The following C10orf143 variants were observed in gnomAD, a reference collection of about 807,000 sequenced individuals.
The protein encoded by C10orf143 is chromosome 10 open reading frame 143.
downstream of C10orf143, among the ~76,000 whole-genome samples, chr10:130,058,996 G>GC (rs568880858): frequency 1.4e-3 from 212 of 152,166 alleles, 1 homozygote; most frequent in Non-Finnish European, 2.1e-3. Flanking sequence ...GAACAGAGAA[G>GC]CAAGTAAAGA....
intron 3 of C10orf143, among the ~76,000 whole-genome samples, chr10:130,053,275 G>T (rs936299090): frequency 2.6e-5 from 4 of 152,120 alleles, no homozygotes; most frequent in Admixed American, 2.0e-4. Context: ...TGGCCAGGAT[G>T]GTCTCGATCT....
At chr10:130,057,056 ATTT>A (rs11435950) in intron 3 of C10orf143, among the ~76,000 whole-genome samples, 4 of 133,574 alleles carry the variant, frequency 3.0e-5, no homozygotes, top group Non-Finnish European at 4.8e-5. Flanking sequence ...AGGCCCAGCT[ATTT>A]TTTTTTTTTT....
rs2134733576 is a variant in C10orf143, at chr10:130,052,429, C to T, written c.298-16459G>A. Among the ~76,000 whole-genome samples the T allele has an allele frequency of 1.3e-5, 2 of 151,698 alleles. 1 individual carries two copies. The highest frequency in any genetic ancestry group is 4.1e-4 in the South Asian group (2 of 4,820). ...AGCCATGGGAGCCGGGAGCACCAAGCACAGTCCCCCACACCCAGAAGCATC... is the reference window on the plus strand; with the variant it reads ...AGCCATGGGAGCCGGGAGCACCAAGTACAGTCCCCCACACCCAGAAGCATC... On this transcript the variant is annotated intron_variant and NMD_transcript_variant, in intron 3 of 5. Transcript: ENST00000643056.
rs1590009052 is a variant in C10orf143 at position 130,055,619 on chromosome 10, T to C, written c.298-19649A>G. Among the ~76,000 whole-genome samples the C allele has an allele frequency of 1.3e-5, 2 of 152,276 alleles. 1 individual carries two copies. On this transcript the variant is annotated intron_variant and NMD_transcript_variant, in intron 3 of 5. Transcript: ENST00000643056. ...TGAAAAAATTAAGAATTATGAATCATCACTGAATTGGCTTTCCTGAAATCT... is the reference window on the plus strand; with the variant it reads ...TGAAAAAATTAAGAATTATGAATCACCACTGAATTGGCTTTCCTGAAATCT...
rs967175527 is a variant in C10orf143, at chr10:130,079,803, C to G, written c.168G>C (p.Glu56Asp). ...CTGGGAGGCAGCCTCTTGATGGAAGCTCCCGGTCCTCTGGGCCCCAGGACG... is the reference window on the plus strand; with the variant it reads ...CTGGGAGGCAGCCTCTTGATGGAAGGTCCCGGTCCTCTGGGCCCCAGGACG... ...ALASWGPEDR[E>D]LPSRGCLPAP... Residue 56 changes from glutamate (E) to aspartate (D), a missense_variant, in exon 2 of 4, where the codon GAG becomes GAC. Transcript: ENST00000637128. 2.5e-6 allele frequency: 1 copy of G among 398,716 alleles called. No homozygotes were observed. Among genetic ancestry groups the G allele is most frequent in the South Asian group, 1.3e-4 (1 of 7,864 alleles). The allele number at this position is 398,716 out of a possible 1,614,324, so 24.7% of individuals were successfully genotyped here. A position where few individuals can be genotyped will look rare whatever the true frequency, so the allele number is the denominator to read the frequency against.
chr10:130,100,722 C>T (rs1457275273), intron 1 of C10orf143, among the ~76,000 whole-genome samples: 7 of 152,014 alleles, frequency 4.6e-5, no homozygotes, highest in Admixed American at 6.5e-5. Flanking sequence ...AATTAGTGGA[C>T]GGCTAGACAT....
At chr10:130,042,056 C>T (rs577751492) in intron 3 of C10orf143, among the ~76,000 whole-genome samples, 2 of 152,270 alleles carry the variant, frequency 1.3e-5, no homozygotes, top group East Asian at 3.9e-4. Flanking sequence ...TGTGTACACA[C>T]GTGCACACCC....
intron 1 of C10orf143, chr10:130,106,042 C>A (rs756675783): frequency 3.7e-6 from 2 of 539,370 alleles, no homozygotes; most frequent in Non-Finnish European, 3.6e-6. Flanking sequence ...GCAGCCTTGG[C>A]GCTATGTTGG....
At chr10:130,083,080 G>A (rs936659691) in intron 1 of C10orf143, among the ~76,000 whole-genome samples, 28 of 151,962 alleles carry the variant, frequency 1.8e-4, no homozygotes, top group African/African-American at 6.8e-4. Context: ...TGTTACAAAA[G>A]CTGAGCAAAA....
At chr10:130,053,411 A>C (rs1860759220) in intron 3 of C10orf143, among the ~76,000 whole-genome samples, 1 of 152,232 alleles carries the variant, frequency 6.6e-6, no homozygotes, top group South Asian at 2.1e-4. Context: ...GCTTGAAAGA[A>C]TATAAAAAAT....
intron 3 of C10orf143, among the ~76,000 whole-genome samples, chr10:130,037,447 T>C (rs1414948009): frequency 1.3e-5 from 2 of 152,166 alleles, no homozygotes; most frequent in African/African-American, 4.8e-5. Context: ...CTGCTGTGGG[T>C]GGACCAGGGT....
intron 3 of C10orf143, among the ~76,000 whole-genome samples, chr10:130,052,553 G>A (rs746932626): frequency 1.3e-5 from 2 of 152,236 alleles, no homozygotes; most frequent in Non-Finnish European, 2.9e-5. Context: ...GCCCCAGCCT[G>A]CGTCAGCCCC....
chr10:130,075,725 C>T (rs544593679), intron 3 of C10orf143, among the ~76,000 whole-genome samples: 10 of 152,216 alleles, frequency 6.6e-5, no homozygotes, highest in Non-Finnish European at 1.2e-4. Context: ...TTGCTGTTCT[C>T]GTGATAGTGA....
At chr10:130,049,640 T>C (rs1340757324) in intron 3 of C10orf143, among the ~76,000 whole-genome samples, 1 of 152,188 alleles carries the variant, frequency 6.6e-6, no homozygotes, top group African/African-American at 2.4e-5. Context: ...ACAGGGGTTT[T>C]GGGTTCACGC....
At chr10:130,102,104 C>A (rs1252016459) in intron 1 of C10orf143, among the ~76,000 whole-genome samples, 3 of 151,892 alleles carry the variant, frequency 2.0e-5, no homozygotes, top group Non-Finnish European at 4.4e-5. Context: ...TCTGTCTCTA[C>A]AAGAATACAC....
intron 3 of C10orf143, among the ~76,000 whole-genome samples, chr10:130,057,580 C>T (rs568630710): frequency 2.0e-5 from 3 of 152,318 alleles, no homozygotes; most frequent in African/African-American, 4.8e-5. Flanking sequence ...AGCTAAGAGG[C>T]AGTGGGTAGA....
At chr10:130,043,335 G>T (rs1860628985) in intron 3 of C10orf143, among the ~76,000 whole-genome samples, 1 of 152,166 alleles carries the variant, frequency 6.6e-6, no homozygotes, top group African/African-American at 2.4e-5. Context: ...AAATTGGAAA[G>T]GTTATCAGCT....
At chr10:130,060,608 G>A (rs897304826), downstream of C10orf143, among the ~76,000 whole-genome samples, 1 of 151,876 alleles carries the variant, frequency 6.6e-6, no homozygotes, top group African/African-American at 2.4e-5. Flanking sequence ...TGGATCACAA[G>A]GTCAGGAGAT....
At chr10:130,101,868 A>C (rs1206817964) in intron 1 of C10orf143, among the ~76,000 whole-genome samples, 3 of 133,784 alleles carry the variant, frequency 2.2e-5, no homozygotes, top group Admixed American at 7.0e-5. Flanking sequence ...AAAAAACCAA[A>C]AAAAAAAAAA....
Sources: allele counts gnomAD v4.1 joint callset (sites outside exome capture counted in the v4.1 genomes callset), GRCh38; gene constraint gnomAD v4.1.1; transcripts MANE v1.5; gene names NCBI Gene and HGNC (gene_info 2026-07-23, HGNC 2026-07-21).